The following VANGL2 variants were observed in gnomAD, a reference collection of about 807,000 sequenced individuals.
The protein encoded by VANGL2 is VANGL planar cell polarity protein 2.
VANGL2 carries 14 observed loss-of-function variants against 50.2 expected under a neutral mutation model. The ratio of observed to expected loss-of-function variants is 0.28; its 90% CI spans 0.18 to 0.44. VANGL2 has a LOEUF of 0.44. VANGL2 is among the 20% of genes least tolerant of loss of function. VANGL2 has a pLI of 1.00. For synonymous variants in VANGL2, 295 were observed against 297.2 expected (o/e 0.99, Z 0.08); for missense variants, 533 against 701.5 (o/e 0.76, Z 2.71).
intron 1 of VANGL2, among the ~76,000 whole-genome samples, chr1:160,404,721 C>CATTAACATAATGTTTTCCA (rs1650593593): frequency 1.3e-5 from 2 of 152,166 alleles, no homozygotes; most frequent in Admixed American, 6.5e-5. Context: ...TTAATCCACA[C>CATTAACATAATGTTTTCCA]GGTAGCATGT....
At chr1:160,423,877 G>A (rs533538557) in intron 6 of VANGL2, among the ~76,000 whole-genome samples, 175 bp from the exon 7 acceptor site, 2 of 152,326 alleles carry the variant, frequency 1.3e-5, no homozygotes, top group South Asian at 4.1e-4. Flanking sequence ...TGAACTCTGT[G>A]GCTGTTTACT....
intron 2 of VANGL2, 52 bp from the exon 3 acceptor site, chr1:160,416,010 G>A (rs1358858115): frequency 3.3e-5 from 53 of 1,614,010 alleles, no homozygotes; most frequent in Non-Finnish European, 4.2e-5. Context: ...CTGCTGAGAA[G>A]ACCCTGGTCC....
At chr1:160,410,428 T>A (rs1650836559) in intron 1 of VANGL2, among the ~76,000 whole-genome samples, 2 of 152,044 alleles carry the variant, frequency 1.3e-5, no homozygotes, top group South Asian at 4.2e-4. Context: ...ATGCTCTGTC[T>A]CATTACCTCA....
chr1:160,409,464 A>AAAGGGT (rs1650800698), intron 1 of VANGL2, among the ~76,000 whole-genome samples: 1 of 152,052 alleles, frequency 6.6e-6, no homozygotes, highest in African/African-American at 2.4e-5. Context: ...AGGGAAAGGG[A>AAAGGGT]AAGGGGAAGG....
At chr1:160,404,184 C>G (rs1163128311) in intron 1 of VANGL2, among the ~76,000 whole-genome samples, 1 of 152,152 alleles carries the variant, frequency 6.6e-6, no homozygotes, top group Admixed American at 6.5e-5. Context: ...GGCACTCTCT[C>G]CTATCTGCCA....
At position 160,415,881 on chromosome 1, in the gene VANGL2, G is replaced by A. The variant is rs1651037689; in HGVS notation, c.44G>A (p.Gly15Asp). The change falls in exon 2 of 8, where the codon GGC becomes GAC. Residue 15 changes from glycine (G) to aspartate (D), a missense_variant. Transcript: ENST00000368061. Reference sequence around the variant, plus strand: ...TACTCGGGCTATTCCTACAAGTCGGGCCACTCCCGCAGCTCCCGCAAGCAC... The same window carrying A: ...TACTCGGGCTATTCCTACAAGTCGGACCACTCCCGCAGCTCCCGCAAGCAC... ...SQYSGYSYKS[G>D]HSRSSRKHRD... 4.3e-6 allele frequency: 7 copies of A among 1,614,042 alleles called. No homozygotes were observed. Among genetic ancestry groups the A allele is most frequent in the Non-Finnish European group, 5.9e-6 (7 of 1,180,038 alleles).
chr1:160,415,336 G>A (rs1651017595), intron 1 of VANGL2, among the ~76,000 whole-genome samples: 1 of 152,220 alleles, frequency 6.6e-6, no homozygotes, highest in African/African-American at 2.4e-5. Flanking sequence ...TGAGAATAGG[G>A]AAGCAATGCC....
chr1:160,403,467 G>T (rs570041784), intron 1 of VANGL2, among the ~76,000 whole-genome samples: 1 of 152,142 alleles, frequency 6.6e-6, no homozygotes, highest in South Asian at 2.1e-4. Context: ...TCCGGGGCAG[G>T]CCTCTCTGGT....
chr1:160,424,973 C>G (rs1306854802), intron 7 of VANGL2, 145 bp from the exon 8 acceptor site: 3 of 1,167,104 alleles, frequency 2.6e-6, no homozygotes, highest in Admixed American at 1.9e-5. Flanking sequence ...AGGCCCCTTC[C>G]TGCTGTAACA....
In VANGL2 at chr1:160,416,132, G is replaced by C. The variant is rs774177199; in HGVS notation, c.142G>C (p.Ala48Pro). The change falls in exon 3 of 8, where the codon GCT (alanine) becomes CCT (proline). Residue 48 changes from alanine (A) to proline (P), a missense_variant. Transcript: ENST00000368061. ...GRGDKSVTIQ[A>P]PGEPLLDNES... The stretch of plus-strand genomic sequence containing the variant: ...AGGGGACAAGTCGGTGACAATCCAG[G>C]CTCCCGGGGAGCCCCTGCTGGACAA... 1.2e-6 allele frequency: 2 copies of C among 1,614,210 alleles called. No homozygotes were observed. The highest frequency in any genetic ancestry group is 1.7e-5 in the Admixed American group (1 of 60,032).
At chr1:160,406,282 T>C (rs1435726435) in intron 1 of VANGL2, among the ~76,000 whole-genome samples, 1 of 152,206 alleles carries the variant, frequency 6.6e-6, no homozygotes, top group Non-Finnish European at 1.5e-5. Flanking sequence ...GTCTGATTGC[T>C]CATTATTGCC....
In VANGL2 at chr1:160,410,675, TACACAC is replaced by T. The variant is rs111892045; in HGVS notation, c.-190-4954_-190-4949del. 7.5e-4 allele frequency among the ~76,000 whole-genome samples: 107 copies of T among 143,366 alleles called. 1 individual carries two copies. The highest frequency in any genetic ancestry group is 2.0e-4 in the Non-Finnish European group (13 of 64,296). The allele number at this position is 143,366 out of a possible 152,430, so 94.1% of individuals were successfully genotyped here. A position where few individuals can be genotyped will look rare whatever the true frequency, so the allele number is the denominator to read the frequency against. Reference sequence around the variant, plus strand: ...TTTTGGCCAACACCCACCCCCCTTATACACACACACACACACACACACACGCACGCA... The same window carrying T: ...TTTTGGCCAACACCCACCCCCCTTATACACACACACACACACACGCACGCA... On this transcript the variant is annotated intron_variant, in intron 1 of 7. Coordinates refer to ENST00000368061, the MANE Select transcript of VANGL2 (RefSeq NM_020335.3).
intron 3 of VANGL2, among the ~76,000 whole-genome samples, chr1:160,418,210 C>G (rs1233766644): frequency 1.3e-5 from 2 of 152,102 alleles, no homozygotes; most frequent in East Asian, 3.9e-4. Context: ...CGTGAGCCAC[C>G]GTGCCCAGCA....
rs544022639 is a variant in VANGL2 at position 160,428,515 on chromosome 1, A to G, written c.*3137A>G. The G allele has an allele frequency of 1.3e-5, 2 of 152,644 alleles. No homozygotes were observed. The highest frequency in any genetic ancestry group is 2.4e-5 in the African/African-American group (1 of 41,514). 9.5% of individuals were successfully genotyped at this position (152,644 alleles called of 1,614,324 possible). On this transcript the variant is annotated 3_prime_UTR_variant, in exon 8 of 8. Coordinates refer to ENST00000368061, the MANE Select transcript of VANGL2 (RefSeq NM_020335.3). Reference sequence around the variant, plus strand: ...GAGACCTTGTGCATGCATGTAGAAAATTGTAAAATGTAAATTTTTTTTAAT... The same window carrying G: ...GAGACCTTGTGCATGCATGTAGAAAGTTGTAAAATGTAAATTTTTTTTAAT...
intron 3 of VANGL2, among the ~76,000 whole-genome samples, chr1:160,417,712 G>A (rs202187061): frequency 1.3e-5 from 2 of 152,192 alleles, no homozygotes; most frequent in African/African-American, 2.4e-5. Flanking sequence ...GCACTGCAGC[G>A]TGGCCTGCAC....
chr1:160,425,523 T>C lies in VANGL2; in HGVS notation c.*145T>C. On this transcript the variant is annotated 3_prime_UTR_variant, in exon 8 of 8. Coordinates refer to ENST00000368061, the MANE Select transcript of VANGL2 (RefSeq NM_020335.3). ...CTTGAATTAACGCACCCCCACCTTCTCTCCTCGCTTCTTCCTTATTTTACC... is the reference window on the plus strand; with the variant it reads ...CTTGAATTAACGCACCCCCACCTTCCCTCCTCGCTTCTTCCTTATTTTACC... The C allele has an allele frequency of 2.6e-6, 2 of 755,856 alleles. No individual in the cohort carries two copies. The highest frequency in any genetic ancestry group is 4.2e-6 in the Non-Finnish European group (2 of 481,536). The allele number at this position is 755,856 out of a possible 1,614,324, so 46.8% of individuals were successfully genotyped here. A position where few individuals can be genotyped will look rare whatever the true frequency, so the allele number is the denominator to read the frequency against.
In VANGL2 at chr1:160,419,528, G is replaced by A. The variant is rs753727351; in HGVS notation, c.719G>A (p.Arg240His). The A allele has an allele frequency of 5.0e-6, 8 of 1,601,120 alleles. No individual in the cohort carries two copies. The highest frequency in any genetic ancestry group is 2.2e-5 in the East Asian group (1 of 44,854). Reference sequence around the variant, plus strand: ...CTGGCCGTGGTCCTGCTGGAGCTGCGCCAGCTCCAGCCTCAGTTCACGCTC... The same window carrying A: ...CTGGCCGTGGTCCTGCTGGAGCTGCACCAGCTCCAGCCTCAGTTCACGCTC... Reference protein sequence around the residue: ...HYLAVVLLELRQLQPQFTLKV... With the variant: ...HYLAVVLLELHQLQPQFTLKV... The change falls in exon 4 of 8, where the codon CGC becomes CAC. Residue 240 changes from arginine to histidine, a missense_variant. Arg to His is a conservative substitution (Grantham distance 29). Coordinates refer to ENST00000368061, the MANE Select transcript of VANGL2 (RefSeq NM_020335.3). This position sits in a 1 kb window ranked among gnomAD's most constrained non-coding sequence, Gnocchi z 5.8.
rs145663389 is a variant in VANGL2, at chr1:160,413,261, G to T, written c.-190-2387G>T. 5.0e-3 allele frequency among the ~76,000 whole-genome samples: 755 copies of T among 151,588 alleles called. 5 individuals carry two copies. The highest frequency in any genetic ancestry group is 8.1e-3 in the Non-Finnish European group (550 of 67,948). On this transcript the variant is annotated intron_variant, in intron 1 of 7. Transcript: ENST00000368061. Reference sequence around the variant, plus strand: ...TTAGAGTAGTTGGAGTAAAGGTAATGATACAAAGCAAATCCATTTTAGGTT... The same window carrying T: ...TTAGAGTAGTTGGAGTAAAGGTAATTATACAAAGCAAATCCATTTTAGGTT...
chr1:160,421,272 A>G lies in VANGL2; in HGVS notation c.1073+85A>G, dbSNP rs374003335. 126 of 1,550,332 alleles carry G rather than the reference A, an allele frequency of 8.1e-5. No individual in the cohort carries two copies. The South Asian group carries it at 1.1e-3, about 14-fold the overall frequency. ...ACCAAGGAACTTCTGTAACTGCTGG[A>G]AATATAGGGCAATGATGACATGAGT... is the stretch of plus-strand genomic sequence containing the variant. On this transcript the variant is annotated intron_variant, in intron 6 of 7. Transcript: ENST00000368061.
Sources: allele counts gnomAD v4.1 joint callset (sites outside exome capture counted in the v4.1 genomes callset), GRCh38; gene constraint gnomAD v4.1.1; non-coding constraint Gnocchi (gnomAD v3.1); transcripts MANE v1.5; gene names NCBI Gene and HGNC (gene_info 2026-07-23, HGNC 2026-07-21).